ADAM32: variants seen among roughly 807,000 people sequenced by gnomAD.
ADAM32 encodes ADAM metallopeptidase domain 32, also known as disintegrin and metalloproteinase domain-containing protein 32.
ADAM32 carries 89 observed loss-of-function variants against 114.9 expected under a neutral mutation model. The observed-to-expected ratio is 0.77, with a 90% CI of 0.65 to 0.92. The LOEUF (loss-of-function observed/expected upper bound fraction) is 0.92. ADAM32 is among the 40% of genes least tolerant of loss of function. The probability of loss-of-function intolerance (pLI) is 0.00; values close to 1 mark genes in which losing one functional copy is unlikely to be tolerated. For missense variants in ADAM32, 870 were observed against 932.8 expected, an observed-to-expected ratio of 0.93 and a Z score of 0.88; for synonymous variants, 285 against 307.5, an observed-to-expected ratio of 0.93 and a Z score of 0.77.
chr8:39,268,783 A>G (rs1159962115), intron 19 of ADAM32, among the ~76,000 whole-genome samples: 2 of 152,216 alleles, frequency 1.3e-5, no homozygotes, highest in African/African-American at 2.4e-5. Flanking sequence ...AAGTATGGAA[A>G]TAGTATATTT....
chr8:39,151,417 C>A lies in ADAM32; in HGVS notation c.394C>A (p.Pro132Thr). 6.3e-7 allele frequency: 1 copy of A among 1,598,332 alleles called. No homozygotes were observed. The highest frequency in any genetic ancestry group is 1.3e-5 in the African/African-American group (1 of 74,104). The change falls in exon 6 of 25, where the codon CCT (proline) becomes ACT (threonine). Residue 132 changes from proline to threonine, a missense_variant. Transcript: ENST00000379907. ...TGAAAATGTTTCTTATGGAATTGAG[C>A]CTCTGGAATCTGCAGTTGAATTTCA... ...QFENVSYGIE[P>T]LESAVEFQHV...
chr8:39,124,993 A>C (rs1802026182), intron 2 of ADAM32, among the ~76,000 whole-genome samples: 1 of 152,164 alleles, frequency 6.6e-6, no homozygotes, highest in East Asian at 1.9e-4. Flanking sequence ...TTTTCTCTGC[A>C]ACATTGCCAG....
At chr8:39,204,336 C>G (rs1045581670) in intron 11 of ADAM32, among the ~76,000 whole-genome samples, 5 of 152,148 alleles carry the variant, frequency 3.3e-5, no homozygotes, top group African/African-American at 1.2e-4. Flanking sequence ...CATTTCTTTT[C>G]ACTGTTTTTT....
chr8:39,233,896 C>T lies in ADAM32; in HGVS notation c.1635-3C>T. The T allele has an allele frequency of 6.7e-7, 1 of 1,489,440 alleles. No homozygotes were observed. Among genetic ancestry groups the T allele is most frequent in the South Asian group, 1.5e-5 (1 of 68,366 alleles). 92.3% of individuals were successfully genotyped at this position (1,489,440 alleles called of 1,614,324 possible). A position where few individuals can be genotyped will look rare whatever the true frequency, so the allele number is the denominator to read the frequency against. On this transcript the variant is annotated splice_polypyrimidine_tract_variant and splice_region_variant and intron_variant, in intron 15 of 24. Transcript: ENST00000379907. ...TAATCATATATATTTTTTATGTTTT[C>T]AGGAATCTTATATGTGGAAGATTAG...
Position 39,257,267 on chromosome 8 carries a change from G to T in ADAM32, c.2086G>T (p.Val696Leu), listed in dbSNP as rs1179412934. 9.3e-6 allele frequency: 15 copies of T among 1,611,566 alleles called. No homozygotes were observed. Among genetic ancestry groups the T allele is most frequent in the Admixed American group, 1.7e-5 (1 of 59,682 alleles). Residue 696 changes from valine (V) to leucine (L), a missense_variant, in exon 19 of 25, where the codon GTA becomes TTA. By Grantham distance (32) the Val-to-Leu change is conservative. Transcript: ENST00000379907. ...GFLIALPILI[V>L]TTAIVLARKQ... ...CCTCATTGCTCTTCCTATTCTCATT[G>T]TAACAACCGCAATAGTTTTGGCAAG...
chr8:39,221,531 C>G, intron 12 of ADAM32, 79 bp from the exon 13 acceptor site: 1 of 1,076,160 alleles, frequency 9.3e-7, no homozygotes, highest in Non-Finnish European at 1.4e-6. Context: ...AAACAGTAAG[C>G]CCATCAAAAT....
upstream of ADAM32, chr8:39,107,642 C>A (rs1279767082): frequency 6.7e-7 from 1 of 1,494,346 alleles, no homozygotes; most frequent in East Asian, 2.6e-5. Context: ...CCGAGAGCAC[C>A]CCGTCTCCGG....
At chr8:39,143,280 A>G (rs190853714) in intron 3 of ADAM32, among the ~76,000 whole-genome samples, 1 of 152,058 alleles carries the variant, frequency 6.6e-6, no homozygotes, top group African/African-American at 2.4e-5. Context: ...TTTGGAGGAG[A>G]AGAGGCACTC....
chr8:39,123,026 G>A (rs1465587661), intron 2 of ADAM32, among the ~76,000 whole-genome samples: 1 of 152,110 alleles, frequency 6.6e-6, no homozygotes, highest in Non-Finnish European at 1.5e-5. Flanking sequence ...GTAAACTTTT[G>A]TATATGGTGT....
chr8:39,176,167 T>G (rs1805515999), intron 10 of ADAM32, among the ~76,000 whole-genome samples: 1 of 152,130 alleles, frequency 6.6e-6, no homozygotes. Flanking sequence ...GAAGGTTTTT[T>G]TGTGTGTCTC....
intron 1 of ADAM32, among the ~76,000 whole-genome samples, chr8:39,114,462 G>C (rs1455913688): frequency 6.6e-6 from 1 of 152,166 alleles, no homozygotes; most frequent in Non-Finnish European, 1.5e-5. Flanking sequence ...CAGTTTCTGC[G>C]CACCACAAGC....
chr8:39,263,427 C>T (rs1052086652), intron 19 of ADAM32, among the ~76,000 whole-genome samples: 11 of 152,084 alleles, frequency 7.2e-5, no homozygotes, highest in Admixed American at 6.5e-4. Flanking sequence ...TCTTTTTCTC[C>T]TTCTGAACTT....
At chr8:39,121,393 C>G (rs1840583311) in intron 2 of ADAM32, among the ~76,000 whole-genome samples, 1 of 151,574 alleles carries the variant, frequency 6.6e-6, no homozygotes, top group Admixed American at 6.6e-5. Context: ...AAGTAGGAGT[C>G]GAGCAATGAG....
chr8:39,282,703 G>A (rs1054989761), intron 23 of ADAM32, among the ~76,000 whole-genome samples: 6 of 152,014 alleles, frequency 3.9e-5, no homozygotes, highest in Non-Finnish European at 4.4e-5. Context: ...TTTTGTTGCC[G>A]TTGGGAAGCC....
intron 2 of ADAM32, among the ~76,000 whole-genome samples, chr8:39,123,801 C>T (rs563097253): frequency 1.4e-4 from 21 of 150,080 alleles, no homozygotes; most frequent in South Asian, 4.2e-4. Flanking sequence ...CTGCCTCCTG[C>T]GTTCAAGTGA....
chr8:39,134,088 C>T (rs887153763), intron 2 of ADAM32, among the ~76,000 whole-genome samples: 6 of 152,118 alleles, frequency 3.9e-5, no homozygotes, highest in Non-Finnish European at 7.4e-5. Context: ...CCAGCTGCCC[C>T]ACTTGTTCCA....
intron 11 of ADAM32, among the ~76,000 whole-genome samples, chr8:39,204,220 A>G (rs1018702987): frequency 3.3e-5 from 5 of 152,200 alleles, no homozygotes; most frequent in African/African-American, 9.7e-5. Context: ...AATATCCTGC[A>G]CAGTGTTTTC....
At chr8:39,187,922 T>C (rs962481177) in intron 11 of ADAM32, among the ~76,000 whole-genome samples, 1 of 152,218 alleles carries the variant, frequency 6.6e-6, no homozygotes, top group Admixed American at 6.5e-5. Context: ...CAGTGATTTC[T>C]AAACTTATTA....
intron 12 of ADAM32, among the ~76,000 whole-genome samples, chr8:39,218,579 T>G (rs1808744242): frequency 6.6e-6 from 1 of 152,054 alleles, no homozygotes; most frequent in African/African-American, 2.4e-5. Flanking sequence ...TTCCAACCAC[T>G]TGACACAGTC....
Sources: allele counts gnomAD v4.1 joint callset (sites outside exome capture counted in the v4.1 genomes callset), GRCh38; gene constraint gnomAD v4.1.1; transcripts MANE v1.5; gene names NCBI Gene and HGNC (gene_info 2026-07-23, HGNC 2026-07-21).